The following PIP5K1B variants were observed in gnomAD, a reference collection of about 807,000 sequenced individuals.
PIP5K1B encodes phosphatidylinositol 4-phosphate 5-kinase type-1 beta.
Under a neutral mutation model 67.0 loss-of-function variants are expected in PIP5K1B, and 42 were observed. The ratio of observed to expected loss-of-function variants is 0.63; its 90% CI spans 0.49 to 0.81. The LOEUF is 0.81. Among genes scored for constraint, PIP5K1B ranks in the 30% least tolerant of loss-of-function variants. PIP5K1B has a pLI of 0.00. For missense variants in PIP5K1B, 459 were observed against 646.3 expected (o/e 0.71, Z 3.14); for synonymous variants, 214 against 231.4 (o/e 0.92, Z 0.68).
chr9:68,831,954 G>A (rs978274828), intron 4 of PIP5K1B, among the ~76,000 whole-genome samples: 1 of 152,206 alleles, frequency 6.6e-6, no homozygotes, highest in African/African-American at 2.4e-5. Flanking sequence ...TAAGATTACA[G>A]GCGTGAGCCA....
intron 1 of PIP5K1B, chr9:68,708,134 C>T (rs1827210009): frequency 6.6e-6 from 1 of 151,850 alleles, no homozygotes; most frequent in African/African-American, 2.4e-5. Context: ...TTAACATCTA[C>T]AGTATATTGT....
chr9:68,903,299 C>T (rs1825454510), intron 8 of PIP5K1B, among the ~76,000 whole-genome samples: 1 of 152,140 alleles, frequency 6.6e-6, no homozygotes, highest in African/African-American at 2.4e-5. Flanking sequence ...CTAGTCAATG[C>T]ACATAATAAA....
intron 4 of PIP5K1B, among the ~76,000 whole-genome samples, chr9:68,845,701 C>G (rs1341384036): frequency 6.6e-6 from 1 of 152,112 alleles, no homozygotes; most frequent in Non-Finnish European, 1.5e-5. Context: ...AAACTGTATT[C>G]CACTGTTCTA....
At chr9:68,825,466 C>CA (rs1256036011) in intron 4 of PIP5K1B, among the ~76,000 whole-genome samples, 3 of 152,114 alleles carry the variant, frequency 2.0e-5, no homozygotes, top group Non-Finnish European at 4.4e-5. Flanking sequence ...ATGCAAATGA[C>CA]AAAAAAATTG....
At chr9:68,796,338 G>A (rs1423868234) in intron 2 of PIP5K1B, among the ~76,000 whole-genome samples, 1 of 150,820 alleles carries the variant, frequency 6.6e-6, no homozygotes, top group Non-Finnish European at 1.5e-5. Context: ...ATGTTCTGAT[G>A]TACATCTGAA....
At chr9:68,817,565 A>G (rs1476417941) in intron 2 of PIP5K1B, among the ~76,000 whole-genome samples, 1 of 152,150 alleles carries the variant, frequency 6.6e-6, no homozygotes, top group African/African-American at 2.4e-5. Context: ...AATGAGATAG[A>G]TATATAGATT....
intron 2 of PIP5K1B, among the ~76,000 whole-genome samples, chr9:68,792,695 G>A (rs576555534): frequency 1.5e-3 from 227 of 152,228 alleles, no homozygotes; most frequent in African/African-American, 5.2e-3. Context: ...TAGCCAGGAT[G>A]GTCTCGATCT....
intron 8 of PIP5K1B, among the ~76,000 whole-genome samples, chr9:68,910,651 C>A (rs372146816): frequency 7.2e-5 from 11 of 152,070 alleles, no homozygotes; most frequent in African/African-American, 2.4e-4. Context: ...ATAGGTGTAA[C>A]CTGAGGTAGA....
intron 4 of PIP5K1B, among the ~76,000 whole-genome samples, chr9:68,835,273 CAGA>C (rs959179026): frequency 2.6e-5 from 4 of 152,212 alleles, no homozygotes; most frequent in African/African-American, 7.2e-5. Context: ...TGAGAACAGA[CAGA>C]ACATTGGACC....
intron 4 of PIP5K1B, among the ~76,000 whole-genome samples, chr9:68,851,332 A>G (rs574372702): frequency 6.6e-6 from 1 of 152,232 alleles, no homozygotes; most frequent in African/African-American, 2.4e-5. Context: ...GGCTTCTTCC[A>G]AGGTTGTTTA....
intron 2 of PIP5K1B, chr9:68,789,286 C>G: frequency 2.4e-6 from 1 of 416,842 alleles, no homozygotes; most frequent in Non-Finnish European, 4.6e-6. Context: ...ATATTTGACT[C>G]GGTAGCCAAC....
intron 4 of PIP5K1B, among the ~76,000 whole-genome samples, chr9:68,863,275 A>G (rs767820412): frequency 6.6e-6 from 1 of 152,242 alleles, no homozygotes; most frequent in Non-Finnish European, 1.5e-5. Flanking sequence ...GTAGCACTAC[A>G]TTAGGCAGTG....
chr9:68,766,862 G>T (rs1189544728), intron 2 of PIP5K1B, among the ~76,000 whole-genome samples: 1 of 152,200 alleles, frequency 6.6e-6, no homozygotes, highest in African/African-American at 2.4e-5. Flanking sequence ...GGTGAAGTAA[G>T]TGGTATTTCT....
At chr9:68,757,227 T>C (rs1294863336) in intron 2 of PIP5K1B, among the ~76,000 whole-genome samples, 9 of 152,184 alleles carry the variant, frequency 5.9e-5, no homozygotes, top group African/African-American at 2.2e-4. Flanking sequence ...TGGCTGCATG[T>C]GGCTAGTAGC....
chr9:68,936,616 T>C (rs1827279660), intron 13 of PIP5K1B, among the ~76,000 whole-genome samples: 1 of 152,180 alleles, frequency 6.6e-6, no homozygotes, highest in Admixed American at 6.5e-5. Flanking sequence ...GTGTTATTTC[T>C]ATTCCTTCTT....
chr9:68,992,410 C>T (rs1438393827), intron 15 of PIP5K1B, among the ~76,000 whole-genome samples: 3 of 152,186 alleles, frequency 2.0e-5, no homozygotes, highest in African/African-American at 7.2e-5. Flanking sequence ...ATGCATGTCT[C>T]ACAGCAGCTC....
intron 4 of PIP5K1B, among the ~76,000 whole-genome samples, chr9:68,844,337 C>T (rs1450639410): frequency 2.0e-5 from 3 of 151,456 alleles, no homozygotes; most frequent in Non-Finnish European, 4.4e-5. Flanking sequence ...CCACAGTTTC[C>T]TCTAATCATG....
At chr9:68,768,877 C>G (rs1830555258) in intron 2 of PIP5K1B, among the ~76,000 whole-genome samples, 1 of 152,114 alleles carries the variant, frequency 6.6e-6, no homozygotes, top group East Asian at 1.9e-4. Flanking sequence ...GTTGTTGGCC[C>G]TTGGAGGCAT....
rs146193510 is a variant in PIP5K1B at position 68,901,961 on chromosome 9, G to A, written c.771+7323G>A. 1.5e-3 allele frequency among the ~76,000 whole-genome samples: 229 copies of A among 152,266 alleles called. 1 individual carries two copies. Among genetic ancestry groups the A allele is most frequent in the African/African-American group, 5.2e-3 (216 of 41,560 alleles). On this transcript the variant is annotated intron_variant, in intron 8 of 15. Coordinates refer to ENST00000265382, the MANE Select transcript of PIP5K1B (RefSeq NM_003558.4). ...TTTTGAGATAATAGATTCACATGCC[G>A]TTGGAAGCAATAACACAGAGAGATA...
Sources: gnomAD v4.1 joint callset for allele counts (sites outside exome capture counted in the v4.1 genomes callset) on GRCh38, gnomAD v4.1.1 for gene constraint, MANE v1.5 for transcripts, NCBI Gene and HGNC (gene_info 2026-07-23, HGNC 2026-07-21) for gene names.